The following PAX7 variants were observed in gnomAD, a reference collection of about 807,000 sequenced individuals.
PAX7 encodes the protein paired box 7, also known as paired box protein Pax-7.
Under a neutral mutation model 50.7 loss-of-function variants are expected in PAX7, and 18 were observed. The ratio of observed to expected loss-of-function variants is 0.36; its 90% CI spans 0.25 to 0.53. The LOEUF is 0.53. Among genes scored for constraint, PAX7 ranks in the 20% least tolerant of loss-of-function variants. PAX7 has a pLI of 0.93. For missense variants in PAX7, 644 were observed against 702.9 expected (o/e 0.92, Z 0.95); for synonymous variants, 310 against 290.4 (o/e 1.07, Z -0.69).
At chr1:18,707,415 C>CTTTTTTTTTTT (rs60914648) in intron 7 of PAX7, among the ~76,000 whole-genome samples, 2 of 28,062 alleles carry the variant, frequency 7.1e-5, no homozygotes, top group African/African-American at 2.1e-4. Flanking sequence ...TTTTTTCTTT[C>CTTTTTTTTTTT]TTTTTTTTTT....
intron 4 of PAX7, among the ~76,000 whole-genome samples, chr1:18,669,855 G>A (rs2088718133): frequency 6.6e-6 from 1 of 152,156 alleles, no homozygotes; most frequent in Non-Finnish European, 1.5e-5. Context: ...GGAGGCCAAG[G>A]CAGGTGGATC....
intron 5 of PAX7, among the ~76,000 whole-genome samples, chr1:18,695,415 G>T (rs1485949591): frequency 6.6e-6 from 1 of 152,184 alleles, no homozygotes; most frequent in Non-Finnish European, 1.5e-5. Flanking sequence ...TGGGCAAAAA[G>T]CTCTGCTGTC....
chr1:18,677,044 G>T (rs923857427), intron 4 of PAX7, among the ~76,000 whole-genome samples: 1 of 152,224 alleles, frequency 6.6e-6, no homozygotes, highest in Non-Finnish European at 1.5e-5. Context: ...GCCCCTCTGG[G>T]CAAGGTGAAG....
intron 4 of PAX7, among the ~76,000 whole-genome samples, chr1:18,637,799 A>C (rs914843702): frequency 6.6e-6 from 1 of 152,240 alleles, no homozygotes; most frequent in South Asian, 2.1e-4. Context: ...CAGGGCCCCT[A>C]GTGATGCCGC....
At chr1:18,716,845 CCCCTTG>C (rs11278100) in intron 7 of PAX7, among the ~76,000 whole-genome samples, 31,066 of 151,352 alleles carry the variant, frequency 0.21, 5,596 homozygotes, top group African/African-American at 0.49. Flanking sequence ...CCTGCGCGCC[CCCCTTG>C]CCCTTGCCCT....
chr1:18,640,484 G>A (rs986754048), intron 4 of PAX7, among the ~76,000 whole-genome samples: 5 of 151,964 alleles, frequency 3.3e-5, no homozygotes, highest in African/African-American at 1.2e-4. Flanking sequence ...GGGCGGGGGC[G>A]GAGAGGGACA....
chr1:18,648,745 G>T (rs1401103786), intron 4 of PAX7, among the ~76,000 whole-genome samples: 1 of 152,192 alleles, frequency 6.6e-6, no homozygotes, highest in Non-Finnish European at 1.5e-5. Context: ...AAGGAGGTAG[G>T]ACTTATTCCA....
intron 4 of PAX7, among the ~76,000 whole-genome samples, chr1:18,684,605 T>G (rs752975074): frequency 6.6e-6 from 1 of 152,272 alleles, no homozygotes; most frequent in Non-Finnish European, 1.5e-5. Flanking sequence ...CCAGCTGAGC[T>G]GTAAATGACT....
At chr1:18,740,028 C>A in intron 8 of PAX7, among the ~76,000 whole-genome samples, 1 of 152,124 alleles carries the variant, frequency 6.6e-6, no homozygotes, top group East Asian at 1.9e-4. Context: ...GATTGTTTAC[C>A]GGTTGGCATC....
chr1:18,728,227 G>A (rs781627821), intron 7 of PAX7, among the ~76,000 whole-genome samples: 2 of 152,142 alleles, frequency 1.3e-5, no homozygotes, highest in Non-Finnish European at 2.9e-5. Context: ...GTGAGGGTCT[G>A]TGTACCTCTT....
chr1:18,735,571 G>T lies in PAX7; in HGVS notation c.1156-61G>T. 6.4e-7 allele frequency: 1 copy of T among 1,559,328 alleles called. No individual in the cohort carries two copies. ...CAGGGCCAGCCTGGCATTGTGCCCA[G>T]TGTGCTCGTGTCTCTGGGGTCTGTC... On this transcript the variant is annotated intron_variant, in intron 7 of 8. Transcript: ENST00000420770. The surrounding 1 kb of genome is among the most constrained non-coding windows in gnomAD (Gnocchi z 4.0).
At chr1:18,654,613 G>A (rs996903801) in intron 4 of PAX7, among the ~76,000 whole-genome samples, 6 of 152,200 alleles carry the variant, frequency 3.9e-5, no homozygotes, top group Non-Finnish European at 7.3e-5. Context: ...CCACAACAGC[G>A]GGTGGGCTGC....
At chr1:18,736,085 C>G (rs959346434) in intron 8 of PAX7, 9 of 885,988 alleles carry the variant, frequency 1.0e-5, no homozygotes, top group Non-Finnish European at 1.6e-5. Context: ...CTGGCTAAGC[C>G]TCTGCTTCCG....
chr1:18,653,896 C>T lies in PAX7; in HGVS notation c.586+17525C>T, dbSNP rs114617686. ...TGCCAGCAAAAGGTCTAAACGCCAG[C>T]GTCGGTCATGGGGCCTGGCAGACGT... On this transcript the variant is annotated intron_variant, in intron 4 of 8. Coordinates refer to ENST00000420770, the MANE Select transcript of PAX7 (RefSeq NM_001135254.2). Among the ~76,000 whole-genome samples, 70 of 152,178 alleles carry T rather than the reference C, an allele frequency of 4.6e-4. 1 individual carries two copies. The highest frequency in any genetic ancestry group is 1.7e-3 in the African/African-American group (69 of 41,524).
rs2088127354 is a variant in PAX7, at chr1:18,635,145, A to C, written c.356A>C (p.Glu119Ala). ...VATPDVEKKIEEYKRENPGMF... is the reference protein window; with the variant it reads ...VATPDVEKKIAEYKRENPGMF... ...ACTCCGGATGTAGAGAAAAAGATTG[A>C]GGAGTACAAGAGGGAAAACCCAGGC... Residue 119 changes from glutamate (E) to alanine (A), a missense_variant, in exon 3 of 9, where the codon GAG (glutamate) becomes GCG (alanine). Coordinates refer to ENST00000420770, the MANE Select transcript of PAX7 (RefSeq NM_001135254.2). 10 of 1,613,968 alleles carry C rather than the reference A, an allele frequency of 6.2e-6. No individual in the cohort carries two copies. Among genetic ancestry groups the C allele is most frequent in the Non-Finnish European group, 8.5e-6 (10 of 1,179,880 alleles).
chr1:18,724,655 G>A (rs778863111), intron 7 of PAX7, among the ~76,000 whole-genome samples: 8 of 152,158 alleles, frequency 5.3e-5, no homozygotes, highest in African/African-American at 9.7e-5. Flanking sequence ...AAACAGAACC[G>A]ACTCTATTTA....
At chr1:18,682,748 C>A (rs188630579) in intron 4 of PAX7, among the ~76,000 whole-genome samples, 2 of 152,320 alleles carry the variant, frequency 1.3e-5, no homozygotes, top group Non-Finnish European at 2.9e-5. Context: ...GGCCTTAAGA[C>A]ATTCTCGGCC....
intron 4 of PAX7, among the ~76,000 whole-genome samples, chr1:18,655,593 C>T (rs1002542890): frequency 6.6e-6 from 1 of 152,302 alleles, no homozygotes; most frequent in South Asian, 2.1e-4. Context: ...CTGCAGTCGG[C>T]GGGAGGGTTT....
At chr1:18,740,469 C>T (rs184223047) in intron 8 of PAX7, among the ~76,000 whole-genome samples, 3 of 152,310 alleles carry the variant, frequency 2.0e-5, no homozygotes, top group South Asian at 4.1e-4. Flanking sequence ...GGCCAGCGAC[C>T]TCTCCGTACC....
Sources: gnomAD v4.1 joint callset for allele counts (sites outside exome capture counted in the v4.1 genomes callset) on GRCh38, gnomAD v4.1.1 for gene constraint, Gnocchi (gnomAD v3.1) non-coding constraint, MANE v1.5 for transcripts, NCBI Gene and HGNC (gene_info 2026-07-23, HGNC 2026-07-21) for gene names.